The following ROBO2 variants were observed in gnomAD, a reference collection of about 807,000 sequenced individuals.
ROBO2 encodes the protein roundabout guidance receptor 2, also known as roundabout homolog 2.
A neutral mutation model predicts 160.8 loss-of-function variants in ROBO2; 53 were observed. The ratio of observed to expected loss-of-function variants is 0.33; its 90% CI spans 0.26 to 0.41. The LOEUF is 0.41. ROBO2 is among the 10% of genes least tolerant of loss of function. The pLI is 1.00. For missense variants in ROBO2, 1,577 were observed against 1,722.4 expected (o/e 0.92, Z 1.49); for synonymous variants, 664 against 611.7 (o/e 1.09, Z -1.26).
intron 2 of ROBO2, among the ~76,000 whole-genome samples, chr3:76,376,687 T>G (rs571645948): frequency 6.6e-6 from 1 of 152,206 alleles, no homozygotes; most frequent in Admixed American, 6.5e-5. Context: ...GTGATGCAAC[T>G]CAAATCTGTC....
chr3:77,243,230 A>G (rs921646403), intron 2 of ROBO2, among the ~76,000 whole-genome samples: 1 of 152,204 alleles, frequency 6.6e-6, no homozygotes, highest in African/African-American at 2.4e-5. Flanking sequence ...ATATTGCAAA[A>G]TAATAATTTG....
At chr3:77,628,696 G>C (rs2095090234) in intron 23 of ROBO2, among the ~76,000 whole-genome samples, 1 of 152,098 alleles carries the variant, frequency 6.6e-6, no homozygotes, top group Non-Finnish European at 1.5e-5. Flanking sequence ...GTAGAGGAAG[G>C]GATGTCGAAA....
At chr3:76,834,175 C>T (rs144558410) in intron 2 of ROBO2, among the ~76,000 whole-genome samples, 3,951 of 91,566 alleles carry the variant, frequency 0.043, 178 homozygotes, top group African/African-American at 0.053. Flanking sequence ...CTTTCTTTCT[C>T]TCTCTCTCTC....
chr3:76,271,840 A>T (rs1456678347), intron 2 of ROBO2, among the ~76,000 whole-genome samples: 1 of 152,024 alleles, frequency 6.6e-6, no homozygotes, highest in Non-Finnish European at 1.5e-5. Context: ...ATAAAATCAG[A>T]CTCGATAAAT....
Position 76,594,650 on chromosome 3 carries a change from C to T in ROBO2, c.110-503364C>T, listed in dbSNP as rs375976739. On this transcript the variant is annotated intron_variant, in intron 2 of 26. Transcript: ENST00000487694. ...AACAACTCCTCTGTCTCCATTAGAA[C>T]GTAAACTAAATGAAGGAAGAATGGT... 6.6e-5 allele frequency among the ~76,000 whole-genome samples: 10 copies of T among 151,868 alleles called. No homozygotes were observed. The East Asian group carries it at 7.7e-4, about 12-fold the overall frequency.
At chr3:76,233,723 A>G (rs186336028) in intron 2 of ROBO2, among the ~76,000 whole-genome samples, 3 of 152,270 alleles carry the variant, frequency 2.0e-5, no homozygotes, top group African/African-American at 7.2e-5. Flanking sequence ...AATCTATTTC[A>G]ATTTGATGTC....
At chr3:76,996,520 T>C (rs1465822016) in intron 2 of ROBO2, among the ~76,000 whole-genome samples, 7 of 152,204 alleles carry the variant, frequency 4.6e-5, no homozygotes, top group Non-Finnish European at 1.0e-4. Flanking sequence ...GGGATGGCAT[T>C]GAATCTATAA....
At chr3:76,092,778 A>G (rs1415604621) in intron 2 of ROBO2, among the ~76,000 whole-genome samples, 4 of 152,198 alleles carry the variant, frequency 2.6e-5, no homozygotes, top group Non-Finnish European at 4.4e-5. Context: ...GCTGTTTTCT[A>G]AGGACCTGAT....
intron 2 of ROBO2, among the ~76,000 whole-genome samples, chr3:76,070,793 C>G (rs1385317464): frequency 6.6e-6 from 1 of 152,072 alleles, no homozygotes. Flanking sequence ...CTTTATTTCT[C>G]AAGCCGGCCG....
chr3:76,065,555 C>T (rs1412265238), intron 2 of ROBO2, among the ~76,000 whole-genome samples: 1 of 151,796 alleles, frequency 6.6e-6, no homozygotes, highest in Non-Finnish European at 1.5e-5. Context: ...CCTAAAAAGC[C>T]TCTACTTAGA....
intron 2 of ROBO2, among the ~76,000 whole-genome samples, chr3:77,396,108 C>G (rs900938446): frequency 2.0e-5 from 3 of 151,666 alleles, no homozygotes; most frequent in African/African-American, 7.3e-5. Context: ...TCACTTGCAT[C>G]CATCCATCCC....
intron 2 of ROBO2, among the ~76,000 whole-genome samples, chr3:77,354,931 G>A (rs1000380168): frequency 2.6e-5 from 4 of 152,142 alleles, no homozygotes; most frequent in African/African-American, 4.8e-5. Flanking sequence ...TAGAAATACC[G>A]AAGGTTTCTT....
chr3:76,949,664 G>A (rs1272925366), intron 2 of ROBO2, among the ~76,000 whole-genome samples: 2 of 152,140 alleles, frequency 1.3e-5, no homozygotes, highest in African/African-American at 2.4e-5. Flanking sequence ...ATCACTCACA[G>A]GTCCTGATTG....
At chr3:76,657,806 GTA>G (rs1390858837) in intron 2 of ROBO2, among the ~76,000 whole-genome samples, 1 of 147,096 alleles carries the variant, frequency 6.8e-6, no homozygotes, top group Non-Finnish European at 1.5e-5. Context: ...ATATATGTGT[GTA>G]TATATATAGT....
chr3:76,001,170 A>C (rs1339334513), intron 2 of ROBO2, among the ~76,000 whole-genome samples: 1 of 152,198 alleles, frequency 6.6e-6, no homozygotes, highest in Non-Finnish European at 1.5e-5. Flanking sequence ...ACGAAGCACA[A>C]CATTGCATTA....
chr3:76,341,673 G>T (rs2074238552), intron 2 of ROBO2, among the ~76,000 whole-genome samples: 1 of 152,024 alleles, frequency 6.6e-6, no homozygotes, highest in Non-Finnish European at 1.5e-5. Flanking sequence ...TATTCTGTTG[G>T]TCAGAATCAG....
intron 2 of ROBO2, among the ~76,000 whole-genome samples, chr3:77,419,189 T>A (rs2077503880): frequency 6.6e-6 from 1 of 152,102 alleles, no homozygotes; most frequent in African/African-American, 2.4e-5. Context: ...GTTTAAGTAA[T>A]GTCCTATCAT....
chr3:76,441,299 T>C (rs2076915998), intron 2 of ROBO2, among the ~76,000 whole-genome samples: 1 of 152,224 alleles, frequency 6.6e-6, no homozygotes, highest in African/African-American at 2.4e-5. Context: ...GCCAACATTC[T>C]GGTAAACCTA....
intron 2 of ROBO2, among the ~76,000 whole-genome samples, chr3:77,467,456 G>A (rs2082876769): frequency 6.6e-6 from 1 of 152,134 alleles, no homozygotes; most frequent in Non-Finnish European, 1.5e-5. Flanking sequence ...TACTTTGTCT[G>A]AAGACCCGAG....
Sources: gnomAD v4.1 joint callset for allele counts (sites outside exome capture counted in the v4.1 genomes callset) on GRCh38, gnomAD v4.1.1 for gene constraint, MANE v1.5 for transcripts, NCBI Gene and HGNC (gene_info 2026-07-23, HGNC 2026-07-21) for gene names.